The following LRP1B variants were observed in gnomAD, a reference collection of about 807,000 sequenced individuals.
LRP1B encodes the protein LDL receptor related protein 1B.
A neutral mutation model predicts 556.6 loss-of-function variants in LRP1B; 217 were observed. That is an observed-to-expected ratio of 0.39 (90% CI 0.35 to 0.44). LRP1B has a LOEUF of 0.44. Ranked by LOEUF, LRP1B falls within the 20% of genes least tolerant of loss-of-function variation. The pLI is 1.00. For synonymous variants in LRP1B, 2,047 were observed against 1,865.8 expected, an observed-to-expected ratio of 1.10 and a Z score of -2.50; for missense variants, 5,053 against 5,620.8, an observed-to-expected ratio of 0.90 and a Z score of 3.23.
At chr2:141,160,133 T>G (rs1451748450) in intron 7 of LRP1B, among the ~76,000 whole-genome samples, 1 of 152,140 alleles carries the variant, frequency 6.6e-6, no homozygotes, top group Non-Finnish European at 1.5e-5. Context: ...ATAAAGAATT[T>G]TAAAAATACA....
At chr2:141,966,195 A>G (rs554030575) in intron 1 of LRP1B, among the ~76,000 whole-genome samples, 1 of 152,052 alleles carries the variant, frequency 6.6e-6, no homozygotes, top group South Asian at 2.1e-4. Flanking sequence ...AAATAACTAC[A>G]GCAGGACAAA....
chr2:141,040,999 A>G (rs1404836234), intron 11 of LRP1B, among the ~76,000 whole-genome samples: 1 of 152,102 alleles, frequency 6.6e-6, no homozygotes, highest in Admixed American at 6.6e-5. Context: ...AAACTTATTC[A>G]TTACTCTTTA....
intron 3 of LRP1B, among the ~76,000 whole-genome samples, chr2:141,329,676 CTCTA>C (rs1303170234): frequency 1.7e-5 from 2 of 119,260 alleles, no homozygotes; most frequent in Non-Finnish European, 1.8e-5. Flanking sequence ...CTATCTCTCT[CTCTA>C]TCTATCTGTT....
intron 3 of LRP1B, among the ~76,000 whole-genome samples, chr2:141,347,322 A>G (rs1231113563): frequency 6.6e-6 from 1 of 152,096 alleles, no homozygotes; most frequent in African/African-American, 2.4e-5. Flanking sequence ...AAAAAAATCA[A>G]TAGAAATCAA....
chr2:140,257,116 A>G (rs1488756137), intron 86 of LRP1B, among the ~76,000 whole-genome samples: 1 of 152,108 alleles, frequency 6.6e-6, no homozygotes, highest in Non-Finnish European at 1.5e-5. Context: ...TATGAGTCTA[A>G]TTCTTGTCTA....
At chr2:141,776,637 T>C (rs1224602777) in intron 2 of LRP1B, among the ~76,000 whole-genome samples, 2 of 152,202 alleles carry the variant, frequency 1.3e-5, no homozygotes, top group African/African-American at 2.4e-5. Flanking sequence ...AAAAGAGCAC[T>C]GTTTGAACTT....
chr2:140,613,646 C>T (rs949440435), intron 41 of LRP1B, among the ~76,000 whole-genome samples: 4 of 151,302 alleles, frequency 2.6e-5, no homozygotes, highest in Admixed American at 2.0e-4. Context: ...ATTAAAGACT[C>T]TCAGACAAAG....
intron 31 of LRP1B, among the ~76,000 whole-genome samples, chr2:140,825,617 T>C (rs958215979): frequency 2.6e-5 from 4 of 152,182 alleles, no homozygotes; most frequent in African/African-American, 9.7e-5. Flanking sequence ...ATTAAGCTAG[T>C]AGCTGTGTAT....
chr2:140,872,475 AT>A (rs1693170548), intron 25 of LRP1B, among the ~76,000 whole-genome samples: 1 of 126,912 alleles, frequency 7.9e-6, no homozygotes, highest in East Asian at 2.4e-4. Context: ...TTATTTATTT[AT>A]TTTTGTAATG....
chr2:141,799,568 T>G (rs1695934981), intron 2 of LRP1B, among the ~76,000 whole-genome samples: 1 of 152,094 alleles, frequency 6.6e-6, no homozygotes, highest in Non-Finnish European at 1.5e-5. Context: ...GGAGGCTGAT[T>G]CTTCCTCACA....
chr2:141,225,943 T>G (rs1159810766), intron 6 of LRP1B, among the ~76,000 whole-genome samples: 1 of 152,124 alleles, frequency 6.6e-6, no homozygotes, highest in Non-Finnish European at 1.5e-5. Flanking sequence ...GGGCCTGTCT[T>G]TGTAAGCCAA....
intron 41 of LRP1B, among the ~76,000 whole-genome samples, chr2:140,660,877 T>A (rs1378362643): frequency 6.6e-6 from 1 of 150,788 alleles, no homozygotes; most frequent in Admixed American, 6.6e-5. Context: ...TTGTGTTTTT[T>A]TTTTTTTTAA....
chr2:141,085,124 G>T (rs1295517655), intron 7 of LRP1B, among the ~76,000 whole-genome samples: 1 of 133,920 alleles, frequency 7.5e-6, no homozygotes, highest in African/African-American at 2.7e-5. Flanking sequence ...GAGAGGTAAA[G>T]AGGAGAGAAA....
Position 141,984,601 on chromosome 2 carries a change from C to T in LRP1B, c.82+146047G>A, listed in dbSNP as rs548810251. Reference sequence around the variant, plus strand: ...TTAGATTTTTAGATTTAGATTTTTCCCATTCATACTATGCCTACCTGGGGT... The same window carrying T: ...TTAGATTTTTAGATTTAGATTTTTCTCATTCATACTATGCCTACCTGGGGT... On this transcript the variant is annotated intron_variant, in intron 1 of 90. Coordinates refer to ENST00000389484, the MANE Select transcript of LRP1B (RefSeq NM_018557.3). 2.0e-5 allele frequency among the ~76,000 whole-genome samples: 3 copies of T among 152,110 alleles called. No homozygotes were observed. The East Asian group carries it at 5.8e-4, about 29-fold the overall frequency.
intron 2 of LRP1B, among the ~76,000 whole-genome samples, chr2:141,497,388 T>C (rs1373709137): frequency 1.3e-5 from 2 of 152,084 alleles, no homozygotes; most frequent in African/African-American, 4.8e-5. Flanking sequence ...TTTAATTATG[T>C]TGTTAACAGA....
intron 68 of LRP1B, among the ~76,000 whole-genome samples, chr2:140,373,488 G>A (rs998279836): frequency 2.0e-5 from 3 of 151,506 alleles, no homozygotes; most frequent in Non-Finnish European, 4.4e-5. Flanking sequence ...AACAAAAAAC[G>A]GATAAAAAAA....
intron 3 of LRP1B, among the ~76,000 whole-genome samples, chr2:141,273,881 G>C (rs1231168645): frequency 6.6e-6 from 1 of 152,080 alleles, no homozygotes; most frequent in Non-Finnish European, 1.5e-5. Context: ...GTAATAAAAA[G>C]GAAACCCAAT....
intron 2 of LRP1B, among the ~76,000 whole-genome samples, chr2:141,752,293 C>T (rs906643): frequency 0.4 from 61,388 of 151,866 alleles, 12,674 homozygotes; most frequent in East Asian, 0.5. Context: ...TTTAAAGGTG[C>T]TATTTACATA....
chr2:140,873,202 T>C (rs1693194564), intron 25 of LRP1B, among the ~76,000 whole-genome samples: 2 of 152,106 alleles, frequency 1.3e-5, no homozygotes, highest in South Asian at 4.1e-4. Context: ...CTGCCGAATA[T>C]TATAAGGTGT....
Sources: gnomAD v4.1 joint callset for allele counts (sites outside exome capture counted in the v4.1 genomes callset) on GRCh38, gnomAD v4.1.1 for gene constraint, MANE v1.5 for transcripts, NCBI Gene and HGNC (gene_info 2026-07-23, HGNC 2026-07-21) for gene names.